The following TTN variants were observed in gnomAD, a reference collection of about 807,000 sequenced individuals.
TTN encodes titin.
In TTN, 1,525 loss-of-function variants were observed where a neutral mutation model predicts 3,223.0. That is an observed-to-expected ratio of 0.47 (90% confidence interval 0.45 to 0.49). The LOEUF (loss-of-function observed/expected upper bound fraction) is 0.49, where lower values mean the gene tolerates loss of function less well. TTN is among the 20% of genes least tolerant of loss of function. The pLI is 0.00. For synonymous variants in TTN, 14,094 were observed against 15,161.0 expected, an observed-to-expected ratio of 0.93 and a Z score of 5.17; for missense variants, 40,786 against 43,424.0, an observed-to-expected ratio of 0.94 and a Z score of 5.40.
intron 242 of TTN, among the ~76,000 whole-genome samples, chr2:178,624,233 G>A (rs1383731017): frequency 6.6e-6 from 1 of 151,956 alleles, no homozygotes; most frequent in Non-Finnish European, 1.5e-5. Flanking sequence ...GAGAAAAGAA[G>A]CATAGGGAAA....
chr2:178,729,498 A>C lies in TTN; in HGVS notation c.18658T>G (p.Cys6220Gly), dbSNP rs935844203. 1 of 1,613,330 alleles carries C rather than the reference A, an allele frequency of 6.2e-7. No individual in the cohort carries two copies. Among genetic ancestry groups the C allele is most frequent in the Admixed American group, 1.7e-5 (1 of 59,968 alleles). Residue 6220 changes from cysteine (C) to glycine (G), a missense_variant, in exon 64 of 363, where the codon TGT becomes GGT. Transcript: ENST00000589042. The part of the protein sequence containing the change: ...VVKYSDVELE[C>G]EVTGTPPFEV... Reference sequence around the variant, plus strand: ...AACGGAGGTGTTCCCGTAACTTCACACTCCAGCTCCACGTCACTATATTTT... The same window carrying C: ...AACGGAGGTGTTCCCGTAACTTCACCCTCCAGCTCCACGTCACTATATTTT...
chr2:178,628,130 C>T (rs555316933), intron 240 of TTN, among the ~76,000 whole-genome samples: 15 of 152,094 alleles, frequency 9.9e-5, no homozygotes, highest in East Asian at 3.9e-4. Context: ...AACAGGCAGG[C>T]GTTACCTATC....
chr2:178,574,452 C>CGTA lies in TTN; in HGVS notation c.71679_71680insTAC (p.Asp23893_Gly23894insTyr). The CGTA allele has an allele frequency of 6.2e-7, 1 of 1,613,560 alleles. No individual in the cohort carries two copies. On this transcript the variant is annotated inframe_insertion, in exon 326 of 363. Coordinates refer to ENST00000589042, the MANE Select transcript of TTN (RefSeq NM_001267550.2). ...ATCACCCGGAACTCATAAGCAATAC[C>CGTA]ATCTGTAAGTCCACTTGATTTGAAA...
At position 178,536,499 on chromosome 2, in the gene TTN, A is replaced by T; in HGVS notation, c.100248T>A (p.Pro33416=). Reference sequence around the variant, plus strand: ...TAATCTTTGCACCTCCATCACTGGCAGGTGGCTTCCAGGCCACAACACAAG... The same window carrying T: ...TAATCTTTGCACCTCCATCACTGGCTGGTGGCTTCCAGGCCACAACACAAG... The part of the protein sequence containing the change: ...KDSCVVAWKP[P]ASDGGAKIRN... Residue 33416 remains proline, a synonymous_variant, in exon 357 of 363, where the codon CCT becomes CCA. Coordinates refer to ENST00000589042, the MANE Select transcript of TTN (RefSeq NM_001267550.2). The T allele has an allele frequency of 6.4e-7, 1 of 1,564,518 alleles. No individual in the cohort carries two copies. Among genetic ancestry groups the T allele is most frequent in the South Asian group, 1.2e-5 (1 of 80,646 alleles).
intron 110 of TTN, 54 bp from the exon 111 acceptor site, chr2:178,701,257 AAT>A (rs2074924131): frequency 2.7e-6 from 4 of 1,494,360 alleles, no homozygotes; most frequent in Non-Finnish European, 3.7e-6. Flanking sequence ...TTTTGCGTAA[AAT>A]ATAATGAAAA....
chr2:178,666,748 G>T, intron 163 of TTN, 76 bp downstream of exon 163: 1 of 1,281,574 alleles, frequency 7.8e-7, no homozygotes, highest in African/African-American at 1.5e-5. Context: ...TGGCTTAAAA[G>T]ATATTAGTAT....
chr2:178,729,952 A>T lies in TTN; in HGVS notation c.18308-7T>A, dbSNP rs2080097943. On this transcript the variant is annotated splice_polypyrimidine_tract_variant and splice_region_variant and intron_variant, in intron 62 of 362. Transcript: ENST00000589042. The stretch of plus-strand genomic sequence containing the variant: ...TTAATGAATTGAGGAGGTTCTAAAG[A>T]TGGAAAAAGAATTGTGATGTTGAAT... 4 of 1,607,894 alleles carry T rather than the reference A, an allele frequency of 2.5e-6. No individual in the cohort carries two copies. Among genetic ancestry groups the T allele is most frequent in the Non-Finnish European group, 3.4e-6 (4 of 1,177,796 alleles).
intron 76 of TTN, 44 bp from the exon 77 acceptor site, chr2:178,722,590 GAGA>G (rs2078593009): frequency 3.1e-6 from 5 of 1,590,450 alleles, no homozygotes; most frequent in Non-Finnish European, 4.3e-6. Context: ...GAGATGAAAT[GAGA>G]AGTTCACCAT....
Position 178,718,824 on chromosome 2 carries a change from T to C in TTN, c.24376A>G (p.Ile8126Val), listed in dbSNP as rs764456853. The change falls in exon 84 of 363, where the codon ATC (isoleucine) becomes GTC (valine). Residue 8126 changes from isoleucine (I) to valine (V), a missense_variant. Ile to Val is a conservative substitution (Grantham distance 29). Transcript: ENST00000589042. ...TCTGTGACAAAATCTTCCAGAGAGA[T>C]GTTGCATGACTCCCCAGGCACCAGT... ...RELVPGESCN[I>V]SLEDFVTELE... The C allele has an allele frequency of 1.1e-5, 17 of 1,613,718 alleles. No homozygotes were observed. Among genetic ancestry groups the C allele is most frequent in the Non-Finnish European group, 1.4e-5 (16 of 1,179,736 alleles).
chr2:178,784,101 C>T lies in TTN; in HGVS notation c.2744G>A (p.Arg915His), dbSNP rs376922544. The change falls in exon 16 of 363, where the codon CGC becomes CAC. Residue 915 changes from arginine to histidine, a missense_variant. Arg to His is a conservative substitution (Grantham distance 29). Coordinates refer to ENST00000589042, the MANE Select transcript of TTN (RefSeq NM_001267550.2). ...SITGTTVREE[R>H]FEVLHGREAK... Reference sequence around the variant, plus strand: ...TTCGCGTCCGTGCAGTACTTCAAAGCGCTCTTCACGGACGGTGGTGCCAGT... The same window carrying T: ...TTCGCGTCCGTGCAGTACTTCAAAGTGCTCTTCACGGACGGTGGTGCCAGT... 1.6e-5 allele frequency: 26 copies of T among 1,613,738 alleles called. No individual in the cohort carries two copies. Among genetic ancestry groups the T allele is most frequent in the Middle Eastern group, 1.7e-4 (1 of 5,884 alleles).
Position 178,584,859 on chromosome 2 carries a change from A to T in TTN, c.64782T>A (p.Asn21594Lys). 6.2e-7 allele frequency: 1 copy of T among 1,613,300 alleles called. No homozygotes were observed. The highest frequency in any genetic ancestry group is 8.5e-7 in the Non-Finnish European group (1 of 1,179,516). ...TTACATCACACTTCTCCACTATATA[A>T]TTGGTGATGTTACTGCCTCCGTCCT... ...PLEDGGSNITNYIVEKCDVSR... is the reference protein window; with the variant it reads ...PLEDGGSNITKYIVEKCDVSR... The change falls in exon 310 of 363, where the codon AAT becomes AAA. Residue 21594 changes from asparagine (N) to lysine (K), a missense_variant. Transcript: ENST00000589042.
At position 178,531,042 on chromosome 2, in the gene TTN, G is replaced by C; in HGVS notation, c.105573C>G (p.Val35191=). 2 of 1,613,966 alleles carry C rather than the reference G, an allele frequency of 1.2e-6. No individual in the cohort carries two copies. The highest frequency in any genetic ancestry group is 1.7e-6 in the Non-Finnish European group (2 of 1,179,878). Residue 35191 remains valine (V), a synonymous_variant, in exon 358 of 363, where the codon GTC becomes GTG. Coordinates refer to ENST00000589042, the MANE Select transcript of TTN (RefSeq NM_001267550.2). ...KYKSTFEISS[V]QASDEGNYSV... is the part of the protein sequence containing the mutation. ...TGTAATTGCCCTCATCGGAAGCCTG[G>C]ACTGAAGAGATCTCAAAGGTTGATT...
At chr2:178,720,875 C>T (rs767070991) in intron 79 of TTN, 46 bp downstream of exon 79, 2 of 1,520,184 alleles carry the variant, frequency 1.3e-6, no homozygotes, top group South Asian at 2.7e-5. Flanking sequence ...GCTAAGAGCC[C>T]AAATCAGAGG....
In TTN at chr2:178,714,496, C is replaced by T. The variant is rs2077161238; in HGVS notation, c.26278G>A (p.Glu8760Lys). The change falls in exon 91 of 363, where the codon GAA becomes AAA. Residue 8760 changes from glutamate (E) to lysine (K), a missense_variant. Physicochemically the swap from Glu to Lys is moderately conservative, Grantham distance 56. Coordinates refer to ENST00000589042, the MANE Select transcript of TTN (RefSeq NM_001267550.2). ...ACCACTGAAATGGGTTCAGCGCCTTCAATGGTAGTCTGCAGCTGAACTTCT... is the reference window on the plus strand; with the variant it reads ...ACCACTGAAATGGGTTCAGCGCCTTTAATGGTAGTCTGCAGCTGAACTTCT... ...GKEVQLQTTI[E>K]GAEPISVVWF... is the part of the protein sequence containing the mutation. The T allele has an allele frequency of 1.6e-5, 26 of 1,613,388 alleles. No individual in the cohort carries two copies. The highest frequency in any genetic ancestry group is 2.2e-5 in the Non-Finnish European group (26 of 1,179,606).
In TTN at chr2:178,562,925, A is replaced by G. The variant is rs1370518448; in HGVS notation, c.83207T>C (p.Val27736Ala). The change falls in exon 326 of 363, where the codon GTT becomes GCT. Residue 27736 changes from valine to alanine, a missense_variant. Coordinates refer to ENST00000589042, the MANE Select transcript of TTN (RefSeq NM_001267550.2). ...SSFTMLVIDN[V>A]TRFDSGRYNL... ...ATACCGACCACTGTCAAATCTGGTA[A>G]CATTATCAATCACCAACATTGTAAA... 1.2e-6 allele frequency: 2 copies of G among 1,613,500 alleles called. No individual in the cohort carries two copies. Among genetic ancestry groups the G allele is most frequent in the Non-Finnish European group, 8.5e-7 (1 of 1,179,728 alleles).
Position 178,564,616 on chromosome 2 carries a change from GTCACATGGA to G in TTN, c.81507_81515del (p.Cys27171_Pro27173del). 1 of 1,613,470 alleles carries G rather than the reference GTCACATGGA, an allele frequency of 6.2e-7. No individual in the cohort carries two copies. The highest frequency in any genetic ancestry group is 8.5e-7 in the Non-Finnish European group (1 of 1,179,664). On this transcript the variant is annotated inframe_deletion, in exon 326 of 363. Transcript: ENST00000589042. ...CAATGGCTTCAGGGCGACCAGGTGG[GTCACATGGA>G]TCACGAGCAACAAAGCATTCTGACA...
intron 112 of TTN, among the ~76,000 whole-genome samples, 181 bp downstream of exon 112, chr2:178,698,662 G>C (rs1056390573): frequency 6.6e-6 from 1 of 152,004 alleles, no homozygotes; most frequent in African/African-American, 2.4e-5. Context: ...AAGAGAAAAG[G>C]GGGAAAAAAG....
intron 212 of TTN, 35 bp from the exon 213 acceptor site, chr2:178,649,366 T>C: frequency 1.5e-6 from 2 of 1,366,960 alleles, no homozygotes; most frequent in Non-Finnish European, 1.9e-6. Flanking sequence ...AAAAATAGTA[T>C]TTAAAAACAT....
chr2:178,537,387 T>G lies in TTN; in HGVS notation c.99820A>C (p.Asn33274His). 1 of 1,600,010 alleles carries G rather than the reference T, an allele frequency of 6.2e-7. No individual in the cohort carries two copies. The highest frequency in any genetic ancestry group is 8.5e-7 in the Non-Finnish European group (1 of 1,171,072). Residue 33274 changes from asparagine (N) to histidine (H), a missense_variant, in exon 355 of 363, where the codon AAT becomes CAT. By Grantham distance (68) the Asn-to-His change is moderately conservative. Transcript: ENST00000589042. ...ATGGCATCAACTGTTCCAAAAACAT[T>G]GCTGAGCTGGACTTTGTATTTCCCA... is the stretch of plus-strand genomic sequence containing the variant. The part of the protein sequence containing the change: ...HAGKYKVQLS[N>H]VFGTVDAILD...
Sources: gnomAD v4.1 joint callset for allele counts (sites outside exome capture counted in the v4.1 genomes callset) on GRCh38, gnomAD v4.1.1 for gene constraint, MANE v1.5 for transcripts, NCBI Gene and HGNC (gene_info 2026-07-23, HGNC 2026-07-21) for gene names.